PDS5B: variants seen among roughly 807,000 people sequenced by gnomAD.
PDS5B encodes PDS5 cohesin associated factor B, also known as sister chromatid cohesion protein PDS5 homolog B.
A neutral mutation model predicts 184.1 loss-of-function variants in PDS5B; 51 were observed. That is an observed-to-expected ratio of 0.28 (90% CI 0.22 to 0.35). PDS5B has a LOEUF of 0.35. Ranked by LOEUF, PDS5B falls within the 10% of genes least tolerant of loss-of-function variation. The pLI, the probability that PDS5B is intolerant of heterozygous loss-of-function variation, is 1.00. For missense variants in PDS5B, 1,180 were observed against 1,723.3 expected (o/e 0.68, Z 5.58); for synonymous variants, 566 against 569.2 (o/e 0.99, Z 0.08).
intron 30 of PDS5B, among the ~76,000 whole-genome samples, chr13:32,761,272 T>C (rs1398775753): frequency 6.6e-6 from 1 of 152,218 alleles, no homozygotes; most frequent in Non-Finnish European, 1.5e-5. Flanking sequence ...TTTGGTATCA[T>C]TTGAATTTAT....
Position 32,746,725 on chromosome 13 carries a change from C to T in PDS5B, c.2736+625C>T, listed in dbSNP as rs2140984074. On this transcript the variant is annotated intron_variant, in intron 24 of 34. Coordinates refer to ENST00000315596, the MANE Select transcript of PDS5B (RefSeq NM_015032.4). ...GGCACTGAATAGACCTCAAAAAGGA[C>T]ACTGTTTACGTATGAAAGCTGAAAC... Among the ~76,000 whole-genome samples the T allele has an allele frequency of 3.3e-5, 5 of 152,260 alleles. 1 individual carries two copies. In the Middle Eastern group the frequency reaches 0.017, roughly 521 times the overall value.
chr13:32,670,673 A>C (rs956342415), intron 7 of PDS5B, among the ~76,000 whole-genome samples: 2 of 152,224 alleles, frequency 1.3e-5, no homozygotes, highest in Admixed American at 1.3e-4. Flanking sequence ...TACACGCATC[A>C]CTTCTTAATG....
chr13:32,680,566 G>A (rs906705672), intron 10 of PDS5B, among the ~76,000 whole-genome samples: 22 of 152,270 alleles, frequency 1.4e-4, no homozygotes, highest in African/African-American at 4.8e-4. Flanking sequence ...GCCCTCAACC[G>A]TTTGGGGTCC....
intron 21 of PDS5B, among the ~76,000 whole-genome samples, chr13:32,737,845 A>C (rs1218532724): frequency 6.6e-6 from 1 of 152,142 alleles, no homozygotes; most frequent in African/African-American, 2.4e-5. Flanking sequence ...ATTACTCTTC[A>C]ATCCTTTCTA....
At chr13:32,672,342 CT>C (rs1220242642) in intron 7 of PDS5B, among the ~76,000 whole-genome samples, 1 of 151,952 alleles carries the variant, frequency 6.6e-6, no homozygotes, top group Non-Finnish European at 1.5e-5. Context: ...GTATTAGGGT[CT>C]TCTAGAGAAA....
At chr13:32,749,475 AAC>A (rs879522352) in intron 24 of PDS5B, among the ~76,000 whole-genome samples, 5 of 135,850 alleles carry the variant, frequency 3.7e-5, no homozygotes, top group African/African-American at 5.7e-5. Context: ...AATTTAATAA[AAC>A]AATATGAATT....
At chr13:32,624,291 T>C (rs1361743865) in intron 1 of PDS5B, among the ~76,000 whole-genome samples, 1 of 152,170 alleles carries the variant, frequency 6.6e-6, no homozygotes, top group Non-Finnish European at 1.5e-5. Context: ...GAGTTGTCTT[T>C]TTGTCCTCTA....
chr13:32,603,667 A>G (rs960809248), intron 1 of PDS5B, among the ~76,000 whole-genome samples: 2 of 152,306 alleles, frequency 1.3e-5, no homozygotes, highest in African/African-American at 4.8e-5. Context: ...ATGGCATTCA[A>G]TCTATAAATT....
chr13:32,689,235 A>C (rs1350744652), intron 13 of PDS5B: 1 of 152,240 alleles, frequency 6.6e-6, no homozygotes, highest in Non-Finnish European at 1.5e-5. Flanking sequence ...ACAAATATTA[A>C]GGGTTAAATG....
intron 34 of PDS5B, among the ~76,000 whole-genome samples, chr13:32,774,051 G>T (rs1954879582): frequency 6.6e-6 from 1 of 152,152 alleles, no homozygotes; most frequent in African/African-American, 2.4e-5. Flanking sequence ...TGATCTGCCT[G>T]CTTTGGCCTC....
intron 1 of PDS5B, among the ~76,000 whole-genome samples, chr13:32,620,512 G>A (rs935087880): frequency 5.9e-5 from 9 of 152,134 alleles, no homozygotes; most frequent in African/African-American, 2.2e-4. Flanking sequence ...AGATTAGCTG[G>A]GTGTGGTGGC....
At chr13:32,736,432 T>A (rs1271282472) in intron 21 of PDS5B, among the ~76,000 whole-genome samples, 1 of 152,064 alleles carries the variant, frequency 6.6e-6, no homozygotes, top group Non-Finnish European at 1.5e-5. Flanking sequence ...CCCCCATCAG[T>A]GATTTGAATA....
intron 16 of PDS5B, among the ~76,000 whole-genome samples, 167 bp downstream of exon 16, chr13:32,700,036 G>A (rs1396040948): frequency 6.6e-6 from 1 of 152,086 alleles, no homozygotes; most frequent in Admixed American, 6.6e-5. Flanking sequence ...ATATTGTGGT[G>A]TATGTCCTTC....
intron 1 of PDS5B, among the ~76,000 whole-genome samples, chr13:32,629,926 C>T (rs2058428778): frequency 6.6e-6 from 1 of 152,118 alleles, no homozygotes; most frequent in South Asian, 2.1e-4. Context: ...TCAGCAAATT[C>T]AGTGACTAGT....
intron 17 of PDS5B, among the ~76,000 whole-genome samples, chr13:32,706,272 C>T (rs1566352130): frequency 1.4e-5 from 2 of 141,968 alleles, no homozygotes; most frequent in Non-Finnish European, 3.0e-5. Context: ...AGTGAAACTT[C>T]GTCTCAAAAA....
intron 27 of PDS5B, 85 bp downstream of exon 27, chr13:32,758,304 G>A: frequency 8.8e-7 from 1 of 1,140,284 alleles, no homozygotes; most frequent in Non-Finnish European, 1.2e-6. Context: ...AGTATTTATA[G>A]ATAGCATCAA....
intron 1 of PDS5B, among the ~76,000 whole-genome samples, chr13:32,631,558 A>G (rs993851508): frequency 4.6e-5 from 7 of 152,194 alleles, no homozygotes; most frequent in African/African-American, 1.4e-4. Context: ...GGTGCTCAAT[A>G]AATATTTGTT....
At position 32,628,244 on chromosome 13, in the gene PDS5B, C is replaced by T. The variant is rs548435115; in HGVS notation, c.-19-20510C>T. On this transcript the variant is annotated intron_variant, in intron 1 of 34. Transcript: ENST00000315596. ...AAATCATTTCTATATTCCATTTTTA[C>T]GTATTTGCAATAATAATACAAATAA... Among the ~76,000 whole-genome samples, 8 of 152,120 alleles carry T rather than the reference C, an allele frequency of 5.3e-5. No individual in the cohort carries two copies. The South Asian group carries it at 1.0e-3, about 20-fold the overall frequency.
At position 32,699,909 on chromosome 13, in the gene PDS5B, A is replaced by C. The variant is rs1010553113; in HGVS notation, c.1740+40A>C. On this transcript the variant is annotated intron_variant, in intron 16 of 34. Coordinates refer to ENST00000315596, the MANE Select transcript of PDS5B (RefSeq NM_015032.4). ...GAGCTGATGTTTGAAAAAGCCCCCAAATCTTCTTTATTGTTTCTCTCTTTT... is the reference window on the plus strand; with the variant it reads ...GAGCTGATGTTTGAAAAAGCCCCCACATCTTCTTTATTGTTTCTCTCTTTT... 4 of 1,501,680 alleles carry C rather than the reference A, an allele frequency of 2.7e-6. No homozygotes were observed. In the African/African-American group the frequency reaches 5.9e-5, roughly 22 times the overall value. 93.0% of individuals were successfully genotyped at this position (1,501,680 alleles called of 1,614,324 possible).
Sources: gnomAD v4.1 joint callset for allele counts (sites outside exome capture counted in the v4.1 genomes callset) on GRCh38, gnomAD v4.1.1 for gene constraint, MANE v1.5 for transcripts, NCBI Gene and HGNC (gene_info 2026-07-23, HGNC 2026-07-21) for gene names.